Variants in RGS6 observed in about 807,000 individuals in gnomAD.
RGS6 encodes the protein regulator of G-protein signaling 6.
A neutral mutation model predicts 78.5 loss-of-function variants in RGS6; 30 were observed. That is an observed-to-expected ratio of 0.38 (90% CI 0.29 to 0.52). RGS6 has a LOEUF of 0.52. Ranked by LOEUF, RGS6 falls within the 20% of genes least tolerant of loss-of-function variation. The pLI, the probability that RGS6 is intolerant of heterozygous loss-of-function variation, is 0.85. For missense variants in RGS6, 495 were observed against 609.7 expected (o/e 0.81, Z 1.98); for synonymous variants, 206 against 206.0 (o/e 1.00, Z 0.00).
At chr14:72,383,199 TATATATATATATATAC>T (rs1191798892) in intron 3 of RGS6, among the ~76,000 whole-genome samples, 31 of 117,616 alleles carry the variant, frequency 2.6e-4, no homozygotes, top group African/African-American at 9.6e-4. Context: ...TATATATATA[TATATATATATATATAC>T]ACACAAACAC....
At chr14:71,942,159 A>G (rs1371326688) in intron 1 of RGS6, among the ~76,000 whole-genome samples, 1 of 152,188 alleles carries the variant, frequency 6.6e-6, no homozygotes, top group African/African-American at 2.4e-5. Context: ...GGACCACACT[A>G]CTTCAAACTG....
At position 72,120,577 on chromosome 14, in the gene RGS6, T is replaced by C. The variant is rs571047201; in HGVS notation, c.84+155702T>C. Among the ~76,000 whole-genome samples the C allele has an allele frequency of 5.9e-5, 9 of 152,302 alleles. No individual in the cohort carries two copies. The South Asian group carries it at 1.9e-3, about 32-fold the overall frequency. On this transcript the variant is annotated intron_variant, in intron 2 of 17. Coordinates refer to ENST00000553525, the MANE Select transcript of RGS6 (RefSeq NM_001204424.2). Reference sequence around the variant, plus strand: ...TGAAAAGCAGGATACCACCCAAATGTTTAACAGGAGAACGGATAAACTGCG... The same window carrying C: ...TGAAAAGCAGGATACCACCCAAATGCTTAACAGGAGAACGGATAAACTGCG...
chr14:72,315,140 CAT>C (rs1253071014), intron 2 of RGS6, among the ~76,000 whole-genome samples: 6 of 46,558 alleles, frequency 1.3e-4, no homozygotes, highest in African/African-American at 5.5e-4. Context: ...GAGTTTAAAA[CAT>C]ATGTAAATAT....
intron 2 of RGS6, among the ~76,000 whole-genome samples, chr14:72,283,275 T>C (rs1349877873): frequency 6.6e-6 from 1 of 152,222 alleles, no homozygotes; most frequent in Non-Finnish European, 1.5e-5. Flanking sequence ...ATTTCAGTTA[T>C]TTTGGCTATA....
At chr14:71,999,948 C>T (rs902611264) in intron 2 of RGS6, among the ~76,000 whole-genome samples, 1 of 151,214 alleles carries the variant, frequency 6.6e-6, no homozygotes, top group Non-Finnish European at 1.5e-5. Context: ...TTGATGGAGT[C>T]AAAAACTGCA....
At chr14:72,302,391 A>G (rs531541191) in intron 2 of RGS6, among the ~76,000 whole-genome samples, 1 of 152,356 alleles carries the variant, frequency 6.6e-6, no homozygotes, top group Admixed American at 6.5e-5. Flanking sequence ...ATCACTATAT[A>G]AATTCTGTGT....
At chr14:72,604,332 T>A in the RGS6 span, among the ~76,000 whole-genome samples, 16 of 152,242 alleles carry the variant, frequency 1.1e-4, no homozygotes, top group African/African-American at 3.9e-4. Context: ...CCATCCCCAA[T>A]CCCAAATCAC....
the RGS6 span, among the ~76,000 whole-genome samples, chr14:72,602,574 G>A: frequency 6.6e-6 from 1 of 152,202 alleles, no homozygotes; most frequent in Non-Finnish European, 1.5e-5. Context: ...AGTGCGCACC[G>A]AGGCAAGGGT....
intron 2 of RGS6, among the ~76,000 whole-genome samples, chr14:72,005,784 G>A (rs2084434976): frequency 6.6e-6 from 1 of 151,834 alleles, no homozygotes; most frequent in Non-Finnish European, 1.5e-5. Context: ...ATTCTGTGTT[G>A]AAATTTTTGT....
chr14:72,025,026 G>A (rs1465540627), intron 2 of RGS6, among the ~76,000 whole-genome samples: 4 of 152,176 alleles, frequency 2.6e-5, no homozygotes, highest in Non-Finnish European at 4.4e-5. Flanking sequence ...ATTCTGATTG[G>A]CAAGAGCTAG....
At chr14:71,952,404 T>C (rs2092408921) in intron 1 of RGS6, among the ~76,000 whole-genome samples, 1 of 152,130 alleles carries the variant, frequency 6.6e-6, no homozygotes, top group African/African-American at 2.4e-5. Flanking sequence ...GTACTTCCTT[T>C]TTCTCTTGGA....
intron 2 of RGS6, among the ~76,000 whole-genome samples, chr14:71,982,260 GC>G (rs2094504410): frequency 6.6e-6 from 1 of 152,210 alleles, no homozygotes; most frequent in Admixed American, 6.5e-5. Flanking sequence ...CGTCGCTCAG[GC>G]TGGGAGCTGT....
chr14:72,610,628 C>T, the RGS6 span, among the ~76,000 whole-genome samples: 1 of 152,196 alleles, frequency 6.6e-6, no homozygotes. Flanking sequence ...TTTTGTGAAT[C>T]GACCGTGTGA....
intron 2 of RGS6, among the ~76,000 whole-genome samples, chr14:72,095,533 C>T (rs1320087660): frequency 1.3e-5 from 2 of 152,200 alleles, no homozygotes; most frequent in Non-Finnish European, 2.9e-5. Flanking sequence ...AGTGGACTTG[C>T]TCTCTTAATT....
intron 2 of RGS6, among the ~76,000 whole-genome samples, chr14:72,264,388 A>G (rs764090981): frequency 7.2e-5 from 11 of 152,250 alleles, no homozygotes; most frequent in Non-Finnish European, 1.5e-4. Flanking sequence ...CTTTCAGCCA[A>G]TATCTTCACT....
intron 2 of RGS6, among the ~76,000 whole-genome samples, chr14:72,283,541 C>T (rs1293838496): frequency 6.6e-6 from 1 of 152,156 alleles, no homozygotes; most frequent in Non-Finnish European, 1.5e-5. Context: ...TCCCTTGGCT[C>T]TCACTCTCTC....
the RGS6 span, chr14:72,619,428 C>CT: frequency 2.1e-5 from 32 of 1,499,670 alleles, no homozygotes; most frequent in Non-Finnish European, 2.9e-5. Flanking sequence ...CCCCACCCCA[C>CT]TGGCCCTAAC....
chr14:72,329,770 G>A (rs1353812843), intron 2 of RGS6, among the ~76,000 whole-genome samples: 2 of 152,182 alleles, frequency 1.3e-5, no homozygotes, highest in African/African-American at 4.8e-5. Flanking sequence ...TAAGGGCAAT[G>A]AGCACCTGGA....
chr14:72,598,043 C>T, the RGS6 span, among the ~76,000 whole-genome samples: 1 of 152,238 alleles, frequency 6.6e-6, no homozygotes, highest in Non-Finnish European at 1.5e-5. Context: ...CAAAAATCCC[C>T]AGTGCACAGG....
Sources: allele counts gnomAD v4.1 joint callset (sites outside exome capture counted in the v4.1 genomes callset), GRCh38; gene constraint gnomAD v4.1.1; transcripts MANE v1.5; gene names NCBI Gene and HGNC (gene_info 2026-07-23, HGNC 2026-07-21).